Variants in IFT25 observed in about 807,000 individuals in gnomAD.
IFT25 encodes the protein intraflagellar transport 25.
At chr1:53,936,522 T>C in the IFT25 span, among the ~76,000 whole-genome samples, 1 of 152,356 alleles carries the variant, frequency 6.6e-6, no homozygotes, top group African/African-American at 2.4e-5. Context: ...GGTAGTTTTC[T>C]TTTAAATACG....
chr1:53,937,298 T>G, the IFT25 span, among the ~76,000 whole-genome samples: 1 of 152,058 alleles, frequency 6.6e-6, no homozygotes, highest in East Asian at 1.9e-4. Flanking sequence ...TTGGTATTTT[T>G]AATAGAGACA....
the IFT25 span, among the ~76,000 whole-genome samples, chr1:53,925,284 G>A: frequency 1.3e-5 from 2 of 152,046 alleles, no homozygotes; most frequent in African/African-American, 4.8e-5. Context: ...ACATTATAAT[G>A]ATATTTTCTT....
the IFT25 span, chr1:53,923,983 G>A: frequency 2.9e-6 from 4 of 1,374,470 alleles, no homozygotes; most frequent in Non-Finnish European, 4.1e-6. Context: ...ATGAGTTAAG[G>A]GTCAAAATAC....
At chr1:53,913,541 T>G in the IFT25 span, among the ~76,000 whole-genome samples, 3 of 152,178 alleles carry the variant, frequency 2.0e-5, no homozygotes, top group Non-Finnish European at 4.4e-5. Flanking sequence ...TGACATTCGC[T>G]GTCTTGAGTA....
chr1:53,945,762 G>A, the IFT25 span: 1 of 114,612 alleles, frequency 8.7e-6, no homozygotes, highest in African/African-American at 3.5e-5. Context: ...CCTTCGCCGC[G>A]GCCACCGCTG....
At chr1:53,923,784 G>A in the IFT25 span, 26 of 676,202 alleles carry the variant, frequency 3.8e-5, no homozygotes, top group East Asian at 2.9e-4. Flanking sequence ...TCTACCGGTT[G>A]ATTTAGGTAC....
At chr1:53,936,427 G>T in the IFT25 span, among the ~76,000 whole-genome samples, 1 of 152,208 alleles carries the variant, frequency 6.6e-6, no homozygotes, top group Non-Finnish European at 1.5e-5. Context: ...TCCAGCCTGG[G>T]TGACAGAGTG....
chr1:53,927,538 T>C, the IFT25 span, among the ~76,000 whole-genome samples: 2,730 of 152,248 alleles, frequency 0.018, 90 homozygotes, highest in African/African-American at 0.063. Context: ...CTCTTGAGGG[T>C]TGTGGTGGAG....
At chr1:53,918,548 A>G in the IFT25 span, among the ~76,000 whole-genome samples, 11 of 152,234 alleles carry the variant, frequency 7.2e-5, no homozygotes, top group African/African-American at 2.7e-4. Flanking sequence ...AAATGCCAGA[A>G]GTATTATCTT....
At chr1:53,921,822 A>C in the IFT25 span, 1 of 1,058,748 alleles carries the variant, frequency 9.4e-7, no homozygotes, top group South Asian at 1.3e-5. Flanking sequence ...TTAACTGTTA[A>C]CAAGCAGTTA....
chr1:53,936,496 AG>A, the IFT25 span, among the ~76,000 whole-genome samples: 5 of 152,314 alleles, frequency 3.3e-5, no homozygotes, highest in Admixed American at 6.5e-5. Flanking sequence ...ATTATGTATA[AG>A]GAAGTCATCA....
the IFT25 span, among the ~76,000 whole-genome samples, chr1:53,932,153 C>A: frequency 6.6e-6 from 1 of 152,162 alleles, no homozygotes; most frequent in African/African-American, 2.4e-5. Flanking sequence ...CAGTTCAAGA[C>A]CAGCCCGACC....
the IFT25 span, chr1:53,923,851 T>C: frequency 2.8e-6 from 3 of 1,075,786 alleles, no homozygotes; most frequent in African/African-American, 4.6e-5. Flanking sequence ...TAGGTTAAAG[T>C]CTAAATACAT....
At chr1:53,915,655 G>A in the IFT25 span, among the ~76,000 whole-genome samples, 1 of 152,188 alleles carries the variant, frequency 6.6e-6, no homozygotes. Flanking sequence ...AATTTTAATA[G>A]GGAGGCCAGA....
the IFT25 span, among the ~76,000 whole-genome samples, chr1:53,936,181 G>A: frequency 3.9e-5 from 6 of 152,122 alleles, no homozygotes; most frequent in South Asian, 2.1e-4. Flanking sequence ...CCAGCTACTC[G>A]GAAGGCTGAG....
the IFT25 span, among the ~76,000 whole-genome samples, chr1:53,940,777 A>G: frequency 6.6e-6 from 1 of 151,622 alleles, no homozygotes; most frequent in East Asian, 1.9e-4. Context: ...TGGAGCAATC[A>G]TGGCTCACTG....
chr1:53,914,189 G>A, the IFT25 span, among the ~76,000 whole-genome samples: 4 of 152,142 alleles, frequency 2.6e-5, no homozygotes, highest in African/African-American at 7.2e-5. Flanking sequence ...GGGACTGTTG[G>A]ATAAGCCTTT....
chr1:53,918,267 TTAAA>T, the IFT25 span, among the ~76,000 whole-genome samples: 17 of 152,250 alleles, frequency 1.1e-4, no homozygotes, highest in East Asian at 1.9e-4. Flanking sequence ...AACTTCCTGT[TTAAA>T]TAAATATATT....
At chr1:53,911,697 A>G in the IFT25 span, among the ~76,000 whole-genome samples, 1 of 152,234 alleles carries the variant, frequency 6.6e-6, no homozygotes, top group Non-Finnish European at 1.5e-5. Context: ...TCTCAGAACT[A>G]GTAAGTAACA....
Sources: gnomAD v4.1 joint callset for allele counts (sites outside exome capture counted in the v4.1 genomes callset) on GRCh38, gnomAD v4.1.1 for gene constraint, MANE v1.5 for transcripts, NCBI Gene and HGNC (gene_info 2026-07-23, HGNC 2026-07-21) for gene names.